DOCK9: variants seen among roughly 807,000 people sequenced by gnomAD.
The protein encoded by DOCK9 is dedicator of cytokinesis 9.
A neutral mutation model predicts 263.3 loss-of-function variants in DOCK9; 89 were observed. The observed-to-expected ratio is 0.34, with a 90% CI of 0.28 to 0.40. DOCK9 has a LOEUF of 0.40. DOCK9 is among the 10% of genes least tolerant of loss of function. The pLI is 1.00. For missense variants in DOCK9, 2,140 were observed against 2,603.4 expected (o/e 0.82, Z 3.87); for synonymous variants, 976 against 973.1 (o/e 1.00, Z -0.06).
intron 45 of DOCK9, among the ~76,000 whole-genome samples, chr13:98,817,451 C>CTTTTTTTTTTTTTTTTTTTTT (rs10683281): frequency 1.0e-5 from 1 of 97,632 alleles, no homozygotes; most frequent in African/African-American, 4.9e-5. Flanking sequence ...ATACACCCAG[C>CTTTTTTTTTTTTTTTTTTTTT]TTTTTTTTTT....
intron 37 of DOCK9, among the ~76,000 whole-genome samples, chr13:98,846,345 G>A (rs1179875240): frequency 6.6e-6 from 1 of 152,156 alleles, no homozygotes; most frequent in African/African-American, 2.4e-5. Context: ...CTCCAATGCA[G>A]TACTAATGGT....
At chr13:98,844,195 A>G (rs1006393824) in intron 38 of DOCK9, among the ~76,000 whole-genome samples, 2 of 152,212 alleles carry the variant, frequency 1.3e-5, no homozygotes, top group Non-Finnish European at 2.9e-5. Flanking sequence ...AAAGATGTTA[A>G]AAAATCAAGT....
chr13:98,868,209 C>G, intron 28 of DOCK9, 22 bp downstream of exon 28: 1 of 1,613,074 alleles, frequency 6.2e-7, no homozygotes, highest in Non-Finnish European at 8.5e-7. Context: ...TAACTGATAT[C>G]CTCTTCCCTG....
chr13:99,030,483 G>C (rs970407076), intron 1 of DOCK9, among the ~76,000 whole-genome samples: 3 of 152,196 alleles, frequency 2.0e-5, no homozygotes, highest in African/African-American at 7.2e-5. Context: ...TTAAAGAAAT[G>C]TCTAGCTTAA....
chr13:98,805,851 C>T (rs1464494835), intron 48 of DOCK9, among the ~76,000 whole-genome samples: 1 of 152,148 alleles, frequency 6.6e-6, no homozygotes. Flanking sequence ...ACCTCTGCCT[C>T]CAGCGTTCAA....
chr13:98,911,858 T>C (rs547587371), intron 9 of DOCK9, among the ~76,000 whole-genome samples: 10 of 145,664 alleles, frequency 6.9e-5, no homozygotes, highest in African/African-American at 1.8e-4. Flanking sequence ...TTCAATTCTA[T>C]TACATTAAAA....
intron 48 of DOCK9, 88 bp downstream of exon 48, chr13:98,807,573 G>A: frequency 8.1e-7 from 1 of 1,228,860 alleles, no homozygotes; most frequent in East Asian, 2.8e-5. Flanking sequence ...TTTTTCTTGT[G>A]TTTTTTTCTA....
At chr13:98,990,995 G>C (rs1176022117) in intron 1 of DOCK9, among the ~76,000 whole-genome samples, 1 of 152,092 alleles carries the variant, frequency 6.6e-6, no homozygotes, top group African/African-American at 2.4e-5. Context: ...CGCTGCACAA[G>C]GTTTGGGAAA....
intron 1 of DOCK9, among the ~76,000 whole-genome samples, chr13:99,021,468 T>C (rs941871452): frequency 1.3e-5 from 2 of 152,054 alleles, no homozygotes; most frequent in African/African-American, 4.8e-5. Flanking sequence ...TGAAACCCTG[T>C]CTGTACTAAA....
chr13:99,052,036 T>C (rs2040723008), intron 1 of DOCK9, among the ~76,000 whole-genome samples: 1 of 152,200 alleles, frequency 6.6e-6, no homozygotes, highest in South Asian at 2.1e-4. Flanking sequence ...TTCAGCCAAG[T>C]ACCATTCCTG....
chr13:98,888,308 A>T, intron 17 of DOCK9, 52 bp downstream of exon 17: 2 of 1,604,544 alleles, frequency 1.2e-6, no homozygotes, highest in Non-Finnish European at 1.7e-6. Flanking sequence ...GGGACGCTGA[A>T]TCTAAAGGGA....
At chr13:99,052,306 C>A (rs2040733686) in intron 1 of DOCK9, among the ~76,000 whole-genome samples, 1 of 152,088 alleles carries the variant, frequency 6.6e-6, no homozygotes, top group African/African-American at 2.4e-5. Flanking sequence ...CACTGCCTGG[C>A]CATGGAGTAG....
chr13:98,988,671 G>C (rs1445323332), intron 1 of DOCK9, among the ~76,000 whole-genome samples: 2 of 152,188 alleles, frequency 1.3e-5, no homozygotes, highest in Non-Finnish European at 2.9e-5. Context: ...GAAGCTCAAC[G>C]TTCTTCTTCT....
chr13:98,850,538 C>T (rs1239232742), intron 35 of DOCK9, among the ~76,000 whole-genome samples: 1 of 39,270 alleles, frequency 2.5e-5, no homozygotes, highest in African/African-American at 7.9e-5. Context: ...TAATTTTGCT[C>T]TCTGAGTTTT....
intron 4 of DOCK9, among the ~76,000 whole-genome samples, chr13:98,924,263 G>A (rs756702893): frequency 2.0e-4 from 30 of 152,178 alleles, no homozygotes; most frequent in Admixed American, 5.9e-4. Flanking sequence ...GGCAATCGGG[G>A]AATTGGCCGA....
chr13:98,999,290 G>GCACA (rs1217981239), intron 1 of DOCK9, among the ~76,000 whole-genome samples: 122 of 145,846 alleles, frequency 8.4e-4, no homozygotes, highest in Middle Eastern at 3.5e-3. Flanking sequence ...GCATGCACGC[G>GCACA]CACACACACA....
At chr13:98,925,988 GA>G in intron 3 of DOCK9, 69 bp from the exon 4 acceptor site, 1 of 1,336,372 alleles carries the variant, frequency 7.5e-7, no homozygotes, top group Non-Finnish European at 1.0e-6. Context: ...AAACACTTGG[GA>G]AAGTTTGTGA....
chr13:98,946,913 C>G (rs959116203), intron 2 of DOCK9, among the ~76,000 whole-genome samples: 5 of 152,298 alleles, frequency 3.3e-5, no homozygotes, highest in African/African-American at 1.2e-4. Flanking sequence ...TGGTTCTTAT[C>G]CTAACTTCTG....
chr13:98,921,227 G>T, intron 6 of DOCK9, 139 bp from the exon 7 acceptor site: 1 of 832,112 alleles, frequency 1.2e-6, no homozygotes, highest in Non-Finnish European at 1.8e-6. Context: ...GTCACTGTGG[G>T]GTCAAGACTC....
Sources: allele counts gnomAD v4.1 joint callset (sites outside exome capture counted in the v4.1 genomes callset), GRCh38; gene constraint gnomAD v4.1.1; transcripts MANE v1.5; gene names NCBI Gene and HGNC (gene_info 2026-07-23, HGNC 2026-07-21).